The following SEMA6D variants were observed in gnomAD, a reference collection of about 807,000 sequenced individuals.
SEMA6D encodes the protein semaphorin-6D.
Under a neutral mutation model 106.6 loss-of-function variants are expected in SEMA6D, and 35 were observed. The observed-to-expected ratio is 0.33, with a 90% CI of 0.25 to 0.44. The LOEUF is 0.44. Among genes scored for constraint, SEMA6D ranks in the 20% least tolerant of loss-of-function variants. The pLI, the probability that SEMA6D is intolerant of heterozygous loss-of-function variation, is 1.00. For missense variants in SEMA6D, 1,185 were observed against 1,345.9 expected (o/e 0.88, Z 1.87); for synonymous variants, 499 against 487.7 (o/e 1.02, Z -0.31).
intron 1 of SEMA6D, among the ~76,000 whole-genome samples, chr15:47,292,472 A>G (rs1196879420): frequency 6.6e-6 from 1 of 152,024 alleles, no homozygotes; most frequent in Non-Finnish European, 1.5e-5. Context: ...GTTCCTGGCA[A>G]TGCTTTCTTT....
intron 3 of SEMA6D, among the ~76,000 whole-genome samples, chr15:47,536,601 A>C (rs2045175607): frequency 6.6e-6 from 1 of 152,248 alleles, no homozygotes; most frequent in East Asian, 1.9e-4. Flanking sequence ...TCTTCACCTG[A>C]AAAATATATC....
chr15:47,323,490 C>T (rs2037006170), intron 1 of SEMA6D, among the ~76,000 whole-genome samples: 2 of 152,094 alleles, frequency 1.3e-5, no homozygotes, highest in African/African-American at 2.4e-5. Flanking sequence ...GCTGTTTGGT[C>T]TATGGGTGGG....
At chr15:47,306,588 G>A (rs1445458314) in intron 1 of SEMA6D, among the ~76,000 whole-genome samples, 2 of 152,146 alleles carry the variant, frequency 1.3e-5, no homozygotes, top group Non-Finnish European at 2.9e-5. Flanking sequence ...GGTGGCACAT[G>A]CCTGTAATCC....
chr15:47,758,403 T>G (rs1384925340), intron 1 of SEMA6D, among the ~76,000 whole-genome samples: 1 of 152,152 alleles, frequency 6.6e-6, no homozygotes, highest in Non-Finnish European at 1.5e-5. Context: ...GCTAAATGTT[T>G]TGTTGTTCAG....
chr15:47,361,511 G>T (rs1035182354), intron 1 of SEMA6D, among the ~76,000 whole-genome samples: 49 of 152,316 alleles, frequency 3.2e-4, no homozygotes, highest in African/African-American at 1.1e-3. Flanking sequence ...GGAGTAGAAA[G>T]TCTCTTACTG....
chr15:47,452,435 A>T (rs1007030553), intron 2 of SEMA6D, among the ~76,000 whole-genome samples: 13 of 151,776 alleles, frequency 8.6e-5, no homozygotes, highest in African/African-American at 3.1e-4. Context: ...GCTCCAGTTT[A>T]TATCTTTACA....
chr15:47,421,943 G>A (rs1024955206), intron 2 of SEMA6D, among the ~76,000 whole-genome samples: 15 of 151,924 alleles, frequency 9.9e-5, no homozygotes, highest in African/African-American at 2.7e-4. Context: ...TTGTCTCCAC[G>A]TAATTATAGA....
intron 4 of SEMA6D, chr15:47,603,311 T>C (rs1033252367): frequency 6.6e-6 from 1 of 152,242 alleles, no homozygotes; most frequent in Non-Finnish European, 1.5e-5. Flanking sequence ...TTTCTTCCTA[T>C]GTGTTTTTCA....
At chr15:47,245,030 G>GTTT in intron 1 of SEMA6D, among the ~76,000 whole-genome samples, 2 of 147,942 alleles carry the variant, frequency 1.4e-5, no homozygotes, top group African/African-American at 2.5e-5. Context: ...ACATGATTTT[G>GTTT]TTTTTTTTTT....
intron 9 of SEMA6D, among the ~76,000 whole-genome samples, chr15:47,763,335 T>C (rs1265735692): frequency 1.3e-5 from 2 of 152,190 alleles, no homozygotes; most frequent in South Asian, 2.1e-4. Flanking sequence ...ATCGTTTTTT[T>C]TCCTGCAGCC....
chr15:47,627,172 T>C (rs2077217633), intron 4 of SEMA6D, among the ~76,000 whole-genome samples: 1 of 152,104 alleles, frequency 6.6e-6, no homozygotes, highest in South Asian at 2.1e-4. Flanking sequence ...CCTGGTAATA[T>C]GATTGAAGTA....
At chr15:47,201,861 T>G (rs538406409) in intron 1 of SEMA6D, among the ~76,000 whole-genome samples, 1 of 152,196 alleles carries the variant, frequency 6.6e-6, no homozygotes, top group African/African-American at 2.4e-5. Flanking sequence ...CCTCACATAC[T>G]TTGCCCAGCC....
intron 3 of SEMA6D, among the ~76,000 whole-genome samples, chr15:47,573,136 C>T (rs1300010201): frequency 2.7e-5 from 4 of 149,146 alleles, no homozygotes; most frequent in Non-Finnish European, 5.9e-5. Context: ...ACAACCAGCA[C>T]AAAATAGTGA....
intron 4 of SEMA6D, among the ~76,000 whole-genome samples, chr15:47,627,479 T>G (rs1566944667): frequency 6.6e-6 from 1 of 152,194 alleles, no homozygotes; most frequent in African/African-American, 2.4e-5. Flanking sequence ...CTCTGAGCCA[T>G]CACTGTTTCT....
At chr15:47,375,179 CA>C (rs1337399500) in intron 1 of SEMA6D, among the ~76,000 whole-genome samples, 1 of 152,166 alleles carries the variant, frequency 6.6e-6, no homozygotes, top group Non-Finnish European at 1.5e-5. Flanking sequence ...GCTCTGAAAA[CA>C]AAATTTACCT....
At chr15:47,671,237 A>T (rs1335154760) in intron 4 of SEMA6D, among the ~76,000 whole-genome samples, 1 of 152,180 alleles carries the variant, frequency 6.6e-6, no homozygotes, top group African/African-American at 2.4e-5. Flanking sequence ...TTTGTTTGTC[A>T]CTATGCTGGG....
intron 4 of SEMA6D, among the ~76,000 whole-genome samples, chr15:47,662,662 T>A (rs892556731): frequency 1.3e-5 from 2 of 152,170 alleles, no homozygotes; most frequent in African/African-American, 2.4e-5. Context: ...TCTTCTAAAC[T>A]TATACTTTAA....
chr15:47,364,060 G>A (rs977999555), intron 1 of SEMA6D, among the ~76,000 whole-genome samples: 2 of 152,190 alleles, frequency 1.3e-5, no homozygotes, highest in African/African-American at 4.8e-5. Context: ...AATTTGAGAT[G>A]AGATTTGGGT....
At chr15:47,237,350 T>C (rs2032615925) in intron 1 of SEMA6D, among the ~76,000 whole-genome samples, 1 of 152,132 alleles carries the variant, frequency 6.6e-6, no homozygotes, top group Non-Finnish European at 1.5e-5. Context: ...ACACTGTGAT[T>C]TTAGGATTGT....
Sources: allele counts gnomAD v4.1 joint callset (sites outside exome capture counted in the v4.1 genomes callset), GRCh38; gene constraint gnomAD v4.1.1; transcripts MANE v1.5; gene names NCBI Gene and HGNC (gene_info 2026-07-23, HGNC 2026-07-21).